The following XPO4 variants were observed in gnomAD, a reference collection of about 807,000 sequenced individuals.
XPO4 encodes the protein exportin 4.
XPO4 carries 39 observed loss-of-function variants against 143.0 expected under a neutral mutation model. That is an observed-to-expected ratio of 0.27 (90% CI 0.21 to 0.36). The LOEUF (loss-of-function observed/expected upper bound fraction) is 0.36, where lower values mean the gene tolerates loss of function less well. XPO4 is among the 10% of genes least tolerant of loss of function. The pLI is 1.00. For missense variants in XPO4, 907 were observed against 1,348.0 expected (o/e 0.67, Z 5.12); for synonymous variants, 439 against 474.0 (o/e 0.93, Z 0.96).
chr13:20,889,285 AC>A (rs2060490267), intron 1 of XPO4, among the ~76,000 whole-genome samples: 1 of 152,360 alleles, frequency 6.6e-6, no homozygotes, highest in Non-Finnish European at 1.5e-5. Flanking sequence ...TATTCCTATT[AC>A]TGCAGAAAGT....
chr13:20,832,617 C>G (rs1443754520), intron 6 of XPO4, among the ~76,000 whole-genome samples: 1 of 152,124 alleles, frequency 6.6e-6, no homozygotes, highest in African/African-American at 2.4e-5. Flanking sequence ...GTTTCAGGAG[C>G]TACAGCAAGA....
chr13:20,840,941 T>G lies in XPO4; in HGVS notation c.727+1954A>C, dbSNP rs192803375. Among the ~76,000 whole-genome samples the G allele has an allele frequency of 3.9e-3, 593 of 150,716 alleles. 2 individuals are homozygous for G. The highest frequency in any genetic ancestry group is 0.014 in the African/African-American group (562 of 41,514). On this transcript the variant is annotated intron_variant, in intron 6 of 22. Coordinates refer to ENST00000255305, the MANE Select transcript of XPO4 (RefSeq NM_022459.5). ...CCTTTGGCAACACTGCAGTATTGCT[T>G]ATCATTTTCAGATGACAGATTTTCC...
intron 9 of XPO4, among the ~76,000 whole-genome samples, chr13:20,812,968 T>C (rs1040668880): frequency 3.9e-5 from 6 of 152,126 alleles, no homozygotes; most frequent in African/African-American, 1.4e-4. Flanking sequence ...TGAGACTGGG[T>C]AATTTATGAA....
At chr13:20,857,973 T>G (rs541474772) in intron 3 of XPO4, 1 of 985,356 alleles carries the variant, frequency 1.0e-6, no homozygotes, top group Non-Finnish European at 1.2e-6. Flanking sequence ...TGTAATAGTC[T>G]ACTACATAGC....
chr13:20,789,288 C>T lies in XPO4; in HGVS notation c.2917-672G>A, dbSNP rs577885904. 4.6e-5 allele frequency among the ~76,000 whole-genome samples: 7 copies of T among 152,028 alleles called. No homozygotes were observed. In the East Asian group the frequency reaches 5.8e-4, roughly 13 times the overall value. On this transcript the variant is annotated intron_variant, in intron 19 of 22. Transcript: ENST00000255305. ...CAACATTGTTTCCAATAGTTAGAGA[C>T]GCTCTCAAGGAGGGGGAAGCACACG... is the stretch of plus-strand genomic sequence containing the variant.
chr13:20,827,420 T>C (rs772926733), intron 6 of XPO4, among the ~76,000 whole-genome samples: 1 of 152,160 alleles, frequency 6.6e-6, no homozygotes, highest in Non-Finnish European at 1.5e-5. Context: ...TGTCATGCTG[T>C]AGGCATACAG....
chr13:20,896,412 T>C (rs1051024360), intron 1 of XPO4, among the ~76,000 whole-genome samples: 1 of 152,214 alleles, frequency 6.6e-6, no homozygotes, highest in African/African-American at 2.4e-5. Flanking sequence ...TTTTATATTC[T>C]GCAAATAAGC....
chr13:20,886,235 TTAAG>T, intron 1 of XPO4, among the ~76,000 whole-genome samples: 1 of 151,998 alleles, frequency 6.6e-6, no homozygotes, highest in East Asian at 1.9e-4. Context: ...CCAAGAGCAA[TTAAG>T]TAAGAAATTG....
rs2060213887 is a variant in XPO4, at chr13:20,862,766, T to C, written c.268A>G (p.Ile90Val). 6.2e-7 allele frequency: 1 copy of C among 1,614,072 alleles called. No individual in the cohort carries two copies. Among genetic ancestry groups the C allele is most frequent in the African/African-American group, 1.3e-5 (1 of 74,928 alleles). ...AAAAGGAATGTTCGCAGAGACTCGA[T>C]GCTACCTTTTTCCAAGAGAATCCAC... ...REWILLEKGS[I>V]ESLRTFLLTY... Residue 90 changes from isoleucine (I) to valine (V), a missense_variant, in exon 3 of 23, where the codon ATC becomes GTC. By Grantham distance (29) the Ile-to-Val change is conservative. Transcript: ENST00000255305.
At position 20,800,995 on chromosome 13, in the gene XPO4, A is replaced by G. The variant is rs1375151165; in HGVS notation, c.1818-5T>C. On this transcript the variant is annotated splice_region_variant and splice_polypyrimidine_tract_variant and intron_variant, in intron 13 of 22. Transcript: ENST00000255305. ...CTGAGAATGGCAGACAACAGCCTGTAGGTATAAAACAGAAGTCATTTATTC... is the reference window on the plus strand; with the variant it reads ...CTGAGAATGGCAGACAACAGCCTGTGGGTATAAAACAGAAGTCATTTATTC... 6.2e-7 allele frequency: 1 copy of G among 1,613,182 alleles called. No individual in the cohort carries two copies. The highest frequency in any genetic ancestry group is 1.7e-5 in the Admixed American group (1 of 59,880).
At chr13:20,854,524 A>C (rs569689567) in intron 4 of XPO4, among the ~76,000 whole-genome samples, 1 of 152,354 alleles carries the variant, frequency 6.6e-6, no homozygotes, top group East Asian at 1.9e-4. Flanking sequence ...TCACATAGAT[A>C]TCTTTAAAAT....
At chr13:20,902,508 A>C in intron 1 of XPO4, 162 bp downstream of exon 1, 1 of 985,402 alleles carries the variant, frequency 1.0e-6, no homozygotes, top group Non-Finnish European at 1.2e-6. Context: ...GGAGGAAAGT[A>C]GGCTGAAGAA....
At chr13:20,823,125 T>C (rs2059740825) in intron 7 of XPO4, among the ~76,000 whole-genome samples, 1 of 152,176 alleles carries the variant, frequency 6.6e-6, no homozygotes, top group South Asian at 2.1e-4. Context: ...TCTTAATCCA[T>C]CCAACACTTA....
rs568144606 is a variant in XPO4, at chr13:20,843,064, C to T, written c.574-16G>A. On this transcript the variant is annotated splice_polypyrimidine_tract_variant and intron_variant, in intron 5 of 22. Transcript: ENST00000255305. Reference sequence around the variant, plus strand: ...GGTCTTCTTCCTATAGTCAATAAATCACAAATATTTTATATGAAAAATTTA... The same window carrying T: ...GGTCTTCTTCCTATAGTCAATAAATTACAAATATTTTATATGAAAAATTTA... 83 of 1,579,082 alleles carry T rather than the reference C, an allele frequency of 5.3e-5. No individual in the cohort carries two copies. Among genetic ancestry groups the T allele is most frequent in the Non-Finnish European group, 7.1e-5 (83 of 1,160,940 alleles).
At chr13:20,788,417 A>T in intron 20 of XPO4, 69 bp downstream of exon 20, 1 of 1,552,726 alleles carries the variant, frequency 6.4e-7, no homozygotes, top group African/African-American at 1.4e-5. Flanking sequence ...TAAACTTAAA[A>T]AACTTTTCTT....
At chr13:20,791,163 A>G (rs1159607614) in intron 18 of XPO4, among the ~76,000 whole-genome samples, 2 of 151,978 alleles carry the variant, frequency 1.3e-5, no homozygotes, top group African/African-American at 4.8e-5. Flanking sequence ...AGATAAATTA[A>G]CATCTCTAAA....
At chr13:20,822,830 G>C (rs529516031) in intron 7 of XPO4, among the ~76,000 whole-genome samples, 1 of 152,282 alleles carries the variant, frequency 6.6e-6, no homozygotes, top group Admixed American at 6.5e-5. Context: ...CAATTTGTTT[G>C]AATCTCAGTT....
At position 20,783,945 on chromosome 13, in the gene XPO4, A is replaced by G; in HGVS notation, c.3259-26T>C. 1.9e-6 allele frequency: 3 copies of G among 1,606,890 alleles called. No homozygotes were observed. The South Asian group carries it at 3.3e-5, about 18-fold the overall frequency. ...CTATTGAAGAGATAAAGTATACACAAGTATCCTCCTTAGAATATCATACAA... is the reference window on the plus strand; with the variant it reads ...CTATTGAAGAGATAAAGTATACACAGGTATCCTCCTTAGAATATCATACAA... On this transcript the variant is annotated intron_variant, in intron 22 of 22. Coordinates refer to ENST00000255305, the MANE Select transcript of XPO4 (RefSeq NM_022459.5).
chr13:20,809,615 A>G (rs1036930639), intron 10 of XPO4, among the ~76,000 whole-genome samples, 176 bp downstream of exon 10: 1 of 152,216 alleles, frequency 6.6e-6, no homozygotes, highest in Non-Finnish European at 1.5e-5. Context: ...TTGAAAAGGA[A>G]TATACATAGG....
Sources: allele counts gnomAD v4.1 joint callset (sites outside exome capture counted in the v4.1 genomes callset), GRCh38; gene constraint gnomAD v4.1.1; transcripts MANE v1.5; gene names NCBI Gene and HGNC (gene_info 2026-07-23, HGNC 2026-07-21).